The following CTNNA3 variants were observed in gnomAD, a reference collection of about 807,000 sequenced individuals.
The protein encoded by CTNNA3 is catenin alpha 3, also known as catenin alpha-3.
In CTNNA3, 76 loss-of-function variants were observed where a neutral mutation model predicts 95.7. The observed-to-expected ratio is 0.79, with a 90% CI of 0.66 to 0.96. The LOEUF (loss-of-function observed/expected upper bound fraction) is 0.96, where lower values mean the gene tolerates loss of function less well. Ranked by LOEUF, CTNNA3 falls within the 40% of genes least tolerant of loss-of-function variation. The probability of loss-of-function intolerance (pLI) is 0.00; values close to 1 mark genes in which losing one functional copy is unlikely to be tolerated. For synonymous variants in CTNNA3, 431 were observed against 374.4 expected, an observed-to-expected ratio of 1.15 and a Z score of -1.74; for missense variants, 1,191 against 1,089.8, an observed-to-expected ratio of 1.09 and a Z score of -1.31.
At chr10:66,542,187 A>G (rs1841877904) in intron 10 of CTNNA3, among the ~76,000 whole-genome samples, 1 of 152,194 alleles carries the variant, frequency 6.6e-6, no homozygotes, top group African/African-American at 2.4e-5. Context: ...AACCACAATG[A>G]GATACCATCT....
In CTNNA3 at chr10:66,976,314, G is replaced by A. The variant is rs146577828; in HGVS notation, c.1048-200790C>T. On this transcript the variant is annotated intron_variant, in intron 7 of 17. Coordinates refer to ENST00000433211, the MANE Select transcript of CTNNA3 (RefSeq NM_013266.4). Reference sequence around the variant, plus strand: ...CCCCTGTAAAAGGGATATTTCAGCTGAGACCTGAAATTAAGGAACTGGTAA... The same window carrying A: ...CCCCTGTAAAAGGGATATTTCAGCTAAGACCTGAAATTAAGGAACTGGTAA... 7.4e-3 allele frequency among the ~76,000 whole-genome samples: 1,123 copies of A among 152,260 alleles called. 6 individuals are homozygous for A. The highest frequency in any genetic ancestry group is 0.01 in the Non-Finnish European group (714 of 68,022).
At chr10:66,992,601 A>T (rs1415049497) in intron 7 of CTNNA3, among the ~76,000 whole-genome samples, 1 of 152,106 alleles carries the variant, frequency 6.6e-6, no homozygotes, top group Non-Finnish European at 1.5e-5. Flanking sequence ...TTTTCATTTA[A>T]CACTTAATGC....
intron 7 of CTNNA3, among the ~76,000 whole-genome samples, chr10:66,819,468 G>A (rs1253706418): frequency 6.6e-6 from 1 of 151,968 alleles, no homozygotes; most frequent in Non-Finnish European, 1.5e-5. Context: ...AGTACGAGCA[G>A]CGAAAAATAA....
intron 5 of CTNNA3, among the ~76,000 whole-genome samples, chr10:67,238,524 T>C (rs139732937): frequency 0.017 from 2,521 of 152,248 alleles, 50 homozygotes; most frequent in Admixed American, 0.058. Context: ...TAAACTACTG[T>C]GGGTAATCAT....
intron 8 of CTNNA3, among the ~76,000 whole-genome samples, chr10:66,772,558 C>G (rs1038684033): frequency 4.6e-5 from 7 of 151,982 alleles, no homozygotes; most frequent in African/African-American, 1.7e-4. Context: ...AAGTCAGGGC[C>G]AAATCACAGA....
At chr10:67,052,104 T>C (rs1380444536) in intron 7 of CTNNA3, among the ~76,000 whole-genome samples, 1 of 152,008 alleles carries the variant, frequency 6.6e-6, no homozygotes. Context: ...TCGTTGAGAG[T>C]CTATTTTTCA....
chr10:66,936,400 C>T (rs547323862), intron 7 of CTNNA3, among the ~76,000 whole-genome samples: 2 of 152,246 alleles, frequency 1.3e-5, no homozygotes, highest in South Asian at 4.1e-4. Flanking sequence ...TTTGCCATCA[C>T]ATTCTTAAAT....
chr10:66,302,906 AT>A (rs1398449898), intron 12 of CTNNA3, among the ~76,000 whole-genome samples: 2 of 152,202 alleles, frequency 1.3e-5, no homozygotes, highest in Non-Finnish European at 2.9e-5. Context: ...ATACAAGTTT[AT>A]TTTAACATTA....
intron 1 of CTNNA3, among the ~76,000 whole-genome samples, chr10:67,730,551 T>G (rs917518986): frequency 6.6e-6 from 1 of 152,032 alleles, no homozygotes; most frequent in Non-Finnish European, 1.5e-5. Context: ...CAAGAAAGAA[T>G]AGAAGACATT....
chr10:67,068,778 G>A (rs117764703), intron 7 of CTNNA3, among the ~76,000 whole-genome samples: 1,940 of 152,298 alleles, frequency 0.013, 14 homozygotes, highest in Non-Finnish European at 0.021. Flanking sequence ...TATGAGTTTG[G>A]ACCAGGCATT....
intron 7 of CTNNA3, among the ~76,000 whole-genome samples, chr10:66,787,082 T>A (rs902737277): frequency 2.6e-5 from 4 of 152,182 alleles, no homozygotes; most frequent in African/African-American, 9.7e-5. Context: ...AAAATACTGA[T>A]GTGGAGAAAA....
At chr10:66,766,106 A>G (rs1460688853) in intron 9 of CTNNA3, 158 bp downstream of exon 9, 1 of 617,000 alleles carries the variant, frequency 1.6e-6, no homozygotes, top group African/African-American at 1.8e-5. Context: ...AGTGATCTAT[A>G]CAATCGGACA....
chr10:67,344,346 G>A (rs1842334196), intron 5 of CTNNA3, among the ~76,000 whole-genome samples: 1 of 151,670 alleles, frequency 6.6e-6, no homozygotes, highest in South Asian at 2.1e-4. Context: ...TTGACATCAG[G>A]GTACCACTGG....
chr10:67,096,581 T>C (rs1858007729), intron 7 of CTNNA3, among the ~76,000 whole-genome samples: 1 of 151,870 alleles, frequency 6.6e-6, no homozygotes, highest in Non-Finnish European at 1.5e-5. Context: ...GACTGAAGGT[T>C]CCTGAAATCT....
At chr10:67,098,584 T>C (rs917017630) in intron 7 of CTNNA3, 1 of 152,336 alleles carries the variant, frequency 6.6e-6, no homozygotes, top group Admixed American at 6.6e-5. Flanking sequence ...TATTTCCGAA[T>C]GAATGACTCA....
chr10:67,147,666 A>G (rs1860907255), intron 7 of CTNNA3, among the ~76,000 whole-genome samples: 2 of 152,206 alleles, frequency 1.3e-5, no homozygotes, highest in Non-Finnish European at 2.9e-5. Context: ...AAATCAAAAT[A>G]GTACATTTTA....
intron 7 of CTNNA3, among the ~76,000 whole-genome samples, chr10:67,039,986 T>A (rs1168197321): frequency 1.3e-5 from 2 of 152,164 alleles, no homozygotes; most frequent in Admixed American, 6.5e-5. Flanking sequence ...TCCTCAGGAA[T>A]GTCACCCTGT....
intron 5 of CTNNA3, among the ~76,000 whole-genome samples, chr10:67,410,330 C>T (rs1222841798): frequency 1.3e-5 from 2 of 151,866 alleles, no homozygotes; most frequent in Non-Finnish European, 2.9e-5. Context: ...ATGGGGGGAA[C>T]AACACACACT....
chr10:66,610,795 G>A (rs1463550375), intron 10 of CTNNA3, among the ~76,000 whole-genome samples: 1 of 151,986 alleles, frequency 6.6e-6, no homozygotes, highest in Non-Finnish European at 1.5e-5. Flanking sequence ...CCCAAAGAAA[G>A]GAAATCAATA....
Sources: allele counts gnomAD v4.1 joint callset (sites outside exome capture counted in the v4.1 genomes callset), GRCh38; gene constraint gnomAD v4.1.1; transcripts MANE v1.5; gene names NCBI Gene and HGNC (gene_info 2026-07-23, HGNC 2026-07-21).